The following SLC2A7 variants were observed in gnomAD, a reference collection of about 807,000 sequenced individuals.
The protein encoded by SLC2A7 is solute carrier family 2 member 7.
Under a neutral mutation model 50.5 loss-of-function variants are expected in SLC2A7, and 50 were observed. The ratio of observed to expected loss-of-function variants is 0.99; its 90% CI spans 0.79 to 1.25. The LOEUF (loss-of-function observed/expected upper bound fraction) is 1.25. Ranked by LOEUF, SLC2A7 falls within the 50% of genes most tolerant of loss-of-function variation. The pLI, the probability that SLC2A7 is intolerant of heterozygous loss-of-function variation, is 0.00. For synonymous variants in SLC2A7, 308 were observed against 300.4 expected (o/e 1.03, Z -0.26); for missense variants, 683 against 679.1 (o/e 1.01, Z -0.06).
At chr1:8,996,344 C>T in the SLC2A7 span, among the ~76,000 whole-genome samples, 2 of 152,188 alleles carry the variant, frequency 1.3e-5, no homozygotes, top group African/African-American at 4.8e-5. Flanking sequence ...GATTGCAGAG[C>T]GTGTCAATAG....
At chr1:9,022,356 G>A (rs1317714605) in intron 3 of SLC2A7, among the ~76,000 whole-genome samples, 7 of 152,174 alleles carry the variant, frequency 4.6e-5, no homozygotes, top group Admixed American at 2.0e-4. Context: ...GTGGAGTCAC[G>A]TCTTTGGAGC....
intron 3 of SLC2A7, among the ~76,000 whole-genome samples, chr1:9,020,552 C>A (rs981810806): frequency 7.1e-6 from 1 of 140,044 alleles, no homozygotes; most frequent in African/African-American, 2.6e-5. Context: ...GCTCCTGTGC[C>A]CCCCCCCACC....
Position 9,010,200 on chromosome 1 carries a change from G to C in SLC2A7, c.1059C>G (p.Ala353=). The part of the protein sequence containing the change: ...ERLGRRHLLL[A]GYGICGSACL... Reference sequence around the variant, plus strand: ...AGGCAGAGCCGCAGATGCCGTAGCCGGCCAGCAGGAGGTGCCGCCGTCCCA... The same window carrying C: ...AGGCAGAGCCGCAGATGCCGTAGCCCGCCAGCAGGAGGTGCCGCCGTCCCA... The change falls in exon 9 of 12, where the codon GCC becomes GCG. Residue 353 remains alanine, a synonymous_variant. Coordinates refer to ENST00000400906, the MANE Select transcript of SLC2A7 (RefSeq NM_207420.3). 2 of 1,551,586 alleles carry C rather than the reference G, an allele frequency of 1.3e-6. No homozygotes were observed. The highest frequency in any genetic ancestry group is 1.7e-6 in the Non-Finnish European group (2 of 1,147,098).
intron 6 of SLC2A7, 96 bp downstream of exon 6, chr1:9,015,021 C>T: frequency 6.4e-7 from 1 of 1,559,506 alleles, no homozygotes; most frequent in Non-Finnish European, 8.7e-7. Flanking sequence ...CAGCTCTCAC[C>T]CCTGACCCAT....
At chr1:8,997,588 C>CG in the SLC2A7 span, among the ~76,000 whole-genome samples, 696 of 151,988 alleles carry the variant, frequency 4.6e-3, 1 homozygote, top group Middle Eastern at 0.017. Flanking sequence ...TTAGTAGAGA[C>CG]GGGGTTTCAC....
chr1:9,012,688 G>A (rs1640764602), intron 8 of SLC2A7, among the ~76,000 whole-genome samples: 1 of 152,126 alleles, frequency 6.6e-6, no homozygotes, highest in Admixed American at 6.5e-5. Context: ...AATGGTCTAG[G>A]GAAAGGAATG....
At chr1:8,997,687 G>A in the SLC2A7 span, among the ~76,000 whole-genome samples, 6 of 152,134 alleles carry the variant, frequency 3.9e-5, no homozygotes, top group African/African-American at 4.8e-5. Flanking sequence ...CATGAGCCAC[G>A]GCGCCCGGCC....
chr1:9,024,686 G>C (rs1363043671), intron 2 of SLC2A7, among the ~76,000 whole-genome samples: 2 of 152,136 alleles, frequency 1.3e-5, no homozygotes, highest in Non-Finnish European at 2.9e-5. Context: ...CCCAAGGTGA[G>C]AGCAGTGGGA....
chr1:8,994,911 C>T, the SLC2A7 span, among the ~76,000 whole-genome samples: 3 of 151,956 alleles, frequency 2.0e-5, no homozygotes, highest in Non-Finnish European at 4.4e-5. Context: ...GCTGGGATTA[C>T]AGGGGCTCAA....
At chr1:9,007,734 A>G (rs1569784299) in intron 9 of SLC2A7, among the ~76,000 whole-genome samples, 1 of 136,294 alleles carries the variant, frequency 7.3e-6, no homozygotes. Flanking sequence ...TGACTCTACG[A>G]TTCTTTCTTT....
intron 3 of SLC2A7, among the ~76,000 whole-genome samples, chr1:9,020,167 G>T (rs1640891112): frequency 6.6e-6 from 1 of 152,198 alleles, no homozygotes; most frequent in Non-Finnish European, 1.5e-5. Context: ...CTTGGGGTCA[G>T]TGGGGGTAGA....
At chr1:9,000,970 A>G (rs1186135716), downstream of SLC2A7, among the ~76,000 whole-genome samples, 1 of 152,124 alleles carries the variant, frequency 6.6e-6, no homozygotes, top group African/African-American at 2.4e-5. Flanking sequence ...GGGCAGAGAG[A>G]AGCCATTCCC....
intron 10 of SLC2A7, among the ~76,000 whole-genome samples, chr1:9,007,076 C>T (rs1036972631): frequency 3.3e-5 from 5 of 152,114 alleles, no homozygotes; most frequent in African/African-American, 1.2e-4. Flanking sequence ...GAGTCTGGGC[C>T]CCCCTGGGAG....
chr1:9,023,829 ATTCTTCTTCTTTTTTT>A (rs777672994), intron 2 of SLC2A7, among the ~76,000 whole-genome samples: 5 of 59,032 alleles, frequency 8.5e-5, no homozygotes, highest in Non-Finnish European at 1.2e-4. Context: ...CATAGGAAAT[ATTCTTCTTCTTTTTTT>A]TTTTTTTTTT....
chr1:9,005,036 G>T (rs1449332326), intron 10 of SLC2A7, among the ~76,000 whole-genome samples, 157 bp from the exon 11 acceptor site: 2 of 152,230 alleles, frequency 1.3e-5, no homozygotes, highest in Non-Finnish European at 2.9e-5. Flanking sequence ...CACAAAACCA[G>T]GGCGTGATCA....
chr1:9,000,635 T>A (rs12093188), downstream of SLC2A7, among the ~76,000 whole-genome samples: 3,522 of 151,354 alleles, frequency 0.023, 158 homozygotes, highest in African/African-American at 0.081. Context: ...AATAAATAAA[T>A]AAAAATAAAA....
intron 10 of SLC2A7, among the ~76,000 whole-genome samples, chr1:9,005,944 C>A (rs1640647856): frequency 6.6e-6 from 1 of 152,318 alleles, no homozygotes; most frequent in Non-Finnish European, 1.5e-5. Context: ...AGGGCCCTGA[C>A]CCCAAAGTGG....
chr1:8,995,777 T>A, the SLC2A7 span, among the ~76,000 whole-genome samples: 8 of 152,142 alleles, frequency 5.3e-5, no homozygotes, highest in Admixed American at 2.6e-4. Flanking sequence ...TTAATTAATT[T>A]ATTTTTTAGA....
At chr1:9,021,955 C>T (rs1553167053) in intron 3 of SLC2A7, among the ~76,000 whole-genome samples, 1 of 150,676 alleles carries the variant, frequency 6.6e-6, no homozygotes, top group Non-Finnish European at 1.5e-5. Context: ...GTCTGGATGA[C>T]CAAAAAAAAA....
Sources: allele counts gnomAD v4.1 joint callset (sites outside exome capture counted in the v4.1 genomes callset), GRCh38; gene constraint gnomAD v4.1.1; transcripts MANE v1.5; gene names NCBI Gene and HGNC (gene_info 2026-07-23, HGNC 2026-07-21).